Variants in COPG2 observed in about 807,000 individuals in gnomAD.
COPG2 encodes the protein coat protein complex I subunit gamma 2.
Under a neutral mutation model 46.3 loss-of-function variants are expected in COPG2, and 37 were observed. That is an observed-to-expected ratio of 0.80 (90% CI 0.61 to 1.05). The LOEUF (loss-of-function observed/expected upper bound fraction) is 1.05. COPG2 is among the 50% of genes least tolerant of loss of function. The pLI is 0.00. For missense variants in COPG2, 427 were observed against 387.8 expected (o/e 1.10, Z -0.85); for synonymous variants, 159 against 129.7 (o/e 1.23, Z -1.53).
chr7:130,538,076 G>C (rs1445828788), intron 20 of COPG2, among the ~76,000 whole-genome samples: 2 of 152,142 alleles, frequency 1.3e-5, no homozygotes, highest in Non-Finnish European at 2.9e-5. Context: ...AGCTGGCAGT[G>C]GTGTCATCAG....
chr7:130,609,333 C>G (rs34665390), intron 9 of COPG2, among the ~76,000 whole-genome samples: 2 of 152,040 alleles, frequency 1.3e-5, no homozygotes, highest in Non-Finnish European at 2.9e-5. Flanking sequence ...GTTCTCATGA[C>G]AGTAAGTCTC....
intron 1 of COPG2, among the ~76,000 whole-genome samples, chr7:130,667,783 CT>C (rs1404507473): frequency 6.6e-6 from 1 of 152,184 alleles, no homozygotes; most frequent in Non-Finnish European, 1.5e-5. Context: ...TCCCTGCCCT[CT>C]TTTTCCATGA....
chr7:130,571,229 G>A (rs142153988), intron 9 of COPG2, among the ~76,000 whole-genome samples: 2,440 of 152,178 alleles, frequency 0.016, 66 homozygotes, highest in African/African-American at 0.056. Flanking sequence ...TCTGTACAGC[G>A]AAAGAAATAA....
intron 20 of COPG2, among the ~76,000 whole-genome samples, chr7:130,518,332 T>C (rs1422289310): frequency 1.3e-5 from 2 of 152,074 alleles, no homozygotes; most frequent in African/African-American, 4.8e-5. Context: ...TTAAAGAGCT[T>C]TGTTGATAAG....
chr7:130,565,255 T>C (rs1377456749), intron 9 of COPG2, among the ~76,000 whole-genome samples: 1 of 152,176 alleles, frequency 6.6e-6, no homozygotes, highest in Non-Finnish European at 1.5e-5. Flanking sequence ...CGCCCCAACA[T>C]ACACAGCACC....
chr7:130,605,126 G>A (rs373792415), intron 9 of COPG2: 4 of 500,850 alleles, frequency 8.0e-6, no homozygotes, highest in South Asian at 1.5e-5. Context: ...ACAGTTCTTC[G>A]AGGCTCTTTA....
rs1793688870 is a variant in COPG2, at chr7:130,559,796, A to G, written c.1128+1237T>C. Reference sequence around the variant, plus strand: ...CAGATGCACAAAACTGTCTGCTTGAATACATGGGTAAAGTTTGTTTTTTAA... The same window carrying G: ...CAGATGCACAAAACTGTCTGCTTGAGTACATGGGTAAAGTTTGTTTTTTAA... On this transcript the variant is annotated intron_variant, in intron 12 of 23. Coordinates refer to ENST00000425248, the MANE Select transcript of COPG2 (RefSeq NM_012133.6). Among the ~76,000 whole-genome samples, 6 of 152,334 alleles carry G rather than the reference A, an allele frequency of 3.9e-5. No homozygotes were observed. The East Asian group carries it at 1.2e-3, about 29-fold the overall frequency.
intron 9 of COPG2, chr7:130,608,231 A>G (rs1554451555): frequency 2.1e-6 from 1 of 466,656 alleles, no homozygotes; most frequent in Non-Finnish European, 4.3e-6. Flanking sequence ...AACTTTACAA[A>G]TGTCCATTTT....
intron 4 of COPG2, among the ~76,000 whole-genome samples, chr7:130,657,622 T>G (rs965635901): frequency 6.6e-6 from 1 of 152,172 alleles, no homozygotes; most frequent in Admixed American, 6.5e-5. Context: ...AGACAATAAT[T>G]GTGAAACATA....
At chr7:130,590,999 G>A in intron 9 of COPG2, among the ~76,000 whole-genome samples, 1 of 151,860 alleles carries the variant, frequency 6.6e-6, no homozygotes, top group Non-Finnish European at 1.5e-5. Flanking sequence ...CGTCTGGGAA[G>A]TGAGGAGCGT....
At chr7:130,638,279 A>G (rs960981349) in intron 5 of COPG2, among the ~76,000 whole-genome samples, 11 of 152,186 alleles carry the variant, frequency 7.2e-5, no homozygotes, top group Non-Finnish European at 1.6e-4. Context: ...TGTCCTCTTC[A>G]GAGCCAGCAG....
At chr7:130,626,478 T>C (rs2116533542) in intron 5 of COPG2, among the ~76,000 whole-genome samples, 1 of 149,926 alleles carries the variant, frequency 6.7e-6, no homozygotes, top group South Asian at 2.2e-4. Flanking sequence ...CTCGAACACC[T>C]GACCTCATGA....
At chr7:130,538,066 A>G (rs950699154) in intron 20 of COPG2, among the ~76,000 whole-genome samples, 1 of 152,146 alleles carries the variant, frequency 6.6e-6, no homozygotes, top group Admixed American at 6.5e-5. Flanking sequence ...AGGACATGGA[A>G]GCTGGCAGTG....
chr7:130,532,822 A>G (rs1799841885), intron 20 of COPG2, among the ~76,000 whole-genome samples: 2 of 152,268 alleles, frequency 1.3e-5, no homozygotes, highest in East Asian at 1.9e-4. Flanking sequence ...TGACGCAGAG[A>G]TGACTGCATC....
At chr7:130,640,822 C>T (rs898333060) in intron 5 of COPG2, among the ~76,000 whole-genome samples, 2 of 152,146 alleles carry the variant, frequency 1.3e-5, no homozygotes, top group African/African-American at 2.4e-5. Context: ...CTGATTCCAA[C>T]TCCCTTGCTT....
At chr7:130,565,616 T>C (rs1793790126) in intron 9 of COPG2, among the ~76,000 whole-genome samples, 1 of 152,202 alleles carries the variant, frequency 6.6e-6, no homozygotes, top group Non-Finnish European at 1.5e-5. Flanking sequence ...ATGTTGAACT[T>C]ACTGGCAAAA....
intron 9 of COPG2, among the ~76,000 whole-genome samples, chr7:130,571,008 T>C (rs1159444838): frequency 1.3e-5 from 2 of 152,170 alleles, no homozygotes; most frequent in African/African-American, 2.4e-5. Context: ...CGTAGGAGAA[T>C]GAAACTGGAT....
chr7:130,587,555 T>C (rs1265745953), intron 9 of COPG2, among the ~76,000 whole-genome samples: 1 of 152,120 alleles, frequency 6.6e-6, no homozygotes, highest in African/African-American at 2.4e-5. Flanking sequence ...GGATTCCCTA[T>C]TTAATAAACG....
chr7:130,648,842 C>T (rs1795673444), intron 5 of COPG2, among the ~76,000 whole-genome samples: 1 of 152,156 alleles, frequency 6.6e-6, no homozygotes, highest in Admixed American at 6.5e-5. Context: ...GTAGTTTCAT[C>T]GGCTTGTTTC....
Sources: gnomAD v4.1 joint callset for allele counts (sites outside exome capture counted in the v4.1 genomes callset) on GRCh38, gnomAD v4.1.1 for gene constraint, MANE v1.5 for transcripts, NCBI Gene and HGNC (gene_info 2026-07-23, HGNC 2026-07-21) for gene names.